The following DPP10 variants were observed in gnomAD, a reference collection of about 807,000 sequenced individuals.
DPP10 encodes the protein inactive dipeptidyl peptidase 10.
DPP10 carries 33 observed loss-of-function variants against 120.9 expected under a neutral mutation model. That is an observed-to-expected ratio of 0.27 (90% CI 0.21 to 0.37). DPP10 has a LOEUF of 0.37. Among genes scored for constraint, DPP10 ranks in the 10% least tolerant of loss-of-function variants. DPP10 has a pLI of 1.00. For missense variants in DPP10, 816 were observed against 942.8 expected (o/e 0.87, Z 1.76); for synonymous variants, 337 against 326.1 (o/e 1.03, Z -0.36).
At chr2:115,642,376 A>G (rs933472814) in intron 5 of DPP10, among the ~76,000 whole-genome samples, 1 of 152,134 alleles carries the variant, frequency 6.6e-6, no homozygotes, top group Non-Finnish European at 1.5e-5. Flanking sequence ...GGGTGGGCTC[A>G]TCCATTAGTT....
At chr2:115,655,196 T>C (rs1575448765) in intron 5 of DPP10, among the ~76,000 whole-genome samples, 1 of 151,838 alleles carries the variant, frequency 6.6e-6, no homozygotes, top group South Asian at 2.1e-4. Flanking sequence ...TTTTATAATG[T>C]CCCAAATACG....
chr2:115,831,272 G>A (rs774339121), intron 21 of DPP10, among the ~76,000 whole-genome samples: 16 of 151,030 alleles, frequency 1.1e-4, no homozygotes, highest in African/African-American at 1.5e-4. Context: ...ATTTTGAGAC[G>A]GAGTCTTACT....
At chr2:115,324,222 G>T (rs2062219903) in intron 2 of DPP10, among the ~76,000 whole-genome samples, 1 of 152,156 alleles carries the variant, frequency 6.6e-6, no homozygotes, top group Non-Finnish European at 1.5e-5. Context: ...GTTGCAGTGA[G>T]CTGAGATCGC....
Position 115,723,345 on chromosome 2 carries a change from C to G in DPP10, c.577-4471C>G, listed in dbSNP as rs555980991. Reference sequence around the variant, plus strand: ...TGTTTTTGCTTTTCTTTGGTTTTCTCTCTTGCTTTTGTCACTTGACGATAT... The same window carrying G: ...TGTTTTTGCTTTTCTTTGGTTTTCTGTCTTGCTTTTGTCACTTGACGATAT... On this transcript the variant is annotated intron_variant, in intron 7 of 25. Coordinates refer to ENST00000410059, the MANE Select transcript of DPP10 (RefSeq NM_020868.6). Among the ~76,000 whole-genome samples the G allele has an allele frequency of 2.0e-5, 3 of 152,262 alleles. No individual in the cohort carries two copies. In the South Asian group the frequency reaches 6.2e-4, roughly 32 times the overall value.
At chr2:115,569,614 A>G (rs906184353) in intron 5 of DPP10, among the ~76,000 whole-genome samples, 2 of 152,210 alleles carry the variant, frequency 1.3e-5, no homozygotes, top group Non-Finnish European at 2.9e-5. Context: ...CGAGAATTAT[A>G]TGATCCAAAC....
At chr2:114,772,133 CTTATT>C (rs1303697843) in intron 1 of DPP10, among the ~76,000 whole-genome samples, 2 of 150,738 alleles carry the variant, frequency 1.3e-5, no homozygotes, top group Non-Finnish European at 3.0e-5. Flanking sequence ...TCTTTATGTC[CTTATT>C]TTATTTATTA....
chr2:115,203,887 C>T (rs1381080291), intron 1 of DPP10, among the ~76,000 whole-genome samples: 1 of 152,102 alleles, frequency 6.6e-6, no homozygotes, highest in Non-Finnish European at 1.5e-5. Flanking sequence ...TAACAATAGA[C>T]TTCTACCTAA....
chr2:115,467,914 T>C (rs1005695496), intron 3 of DPP10: 8 of 216,880 alleles, frequency 3.7e-5, no homozygotes, highest in African/African-American at 1.8e-4. Flanking sequence ...GCTAAATATA[T>C]GTTAAAGGAA....
intron 3 of DPP10, among the ~76,000 whole-genome samples, chr2:115,474,928 A>C (rs2074976685): frequency 6.6e-6 from 1 of 152,186 alleles, no homozygotes; most frequent in Admixed American, 6.5e-5. Context: ...GGCCAAGCCC[A>C]GGGCCCCACT....
chr2:114,691,893 A>T (rs1218940249), intron 1 of DPP10, among the ~76,000 whole-genome samples: 2 of 151,968 alleles, frequency 1.3e-5, no homozygotes, highest in African/African-American at 4.8e-5. Flanking sequence ...GTATTCTCTG[A>T]TGGTTGTCTG....
intron 1 of DPP10, among the ~76,000 whole-genome samples, chr2:115,055,407 A>G (rs1050402816): frequency 2.0e-5 from 3 of 152,220 alleles, no homozygotes; most frequent in African/African-American, 7.2e-5. Context: ...TCATTCTTGG[A>G]AAAAGTGGCT....
chr2:115,720,543 T>TA (rs2092621803), intron 7 of DPP10, among the ~76,000 whole-genome samples: 2 of 152,226 alleles, frequency 1.3e-5, no homozygotes, highest in East Asian at 3.9e-4. Context: ...GTCTTATTCT[T>TA]ACAATATCTC....
chr2:115,126,392 G>T (rs1262125805), intron 1 of DPP10, among the ~76,000 whole-genome samples: 1 of 152,108 alleles, frequency 6.6e-6, no homozygotes, highest in African/African-American at 2.4e-5. Flanking sequence ...GTGAGCCACT[G>T]CACCTGGCCA....
rs570122616 is a variant in DPP10, at chr2:115,405,410, C to T, written c.271+61498C>T. ...CTCCAAGACTTTGCTGGGTGTAGCC[C>T]GTGTGGCTACTGTCATGGATTGGGG... is the stretch of plus-strand genomic sequence containing the variant. On this transcript the variant is annotated intron_variant, in intron 3 of 25. Coordinates refer to ENST00000410059, the MANE Select transcript of DPP10 (RefSeq NM_020868.6). Among the ~76,000 whole-genome samples, 15 of 152,268 alleles carry T rather than the reference C, an allele frequency of 9.9e-5. No individual in the cohort carries two copies. In the East Asian group the frequency reaches 1.2e-3, roughly 12 times the overall value.
At chr2:114,793,531 C>CA (rs1683433511) in intron 1 of DPP10, among the ~76,000 whole-genome samples, 1 of 152,138 alleles carries the variant, frequency 6.6e-6, no homozygotes, top group South Asian at 2.1e-4. Context: ...AGATATTAAT[C>CA]AATTGCCCAC....
intron 19 of DPP10, among the ~76,000 whole-genome samples, chr2:115,792,345 C>A (rs976448977): frequency 6.6e-6 from 1 of 151,834 alleles, no homozygotes; most frequent in Non-Finnish European, 1.5e-5. Context: ...ATAATTATTG[C>A]GATTATAATT....
intron 1 of DPP10, among the ~76,000 whole-genome samples, chr2:114,692,485 G>A (rs1341171056): frequency 1.3e-5 from 2 of 151,972 alleles, no homozygotes; most frequent in African/African-American, 2.4e-5. Context: ...CATTTGCTGA[G>A]GAGTGTTTTA....
intron 1 of DPP10, among the ~76,000 whole-genome samples, chr2:114,603,082 A>G (rs1284677958): frequency 6.6e-6 from 1 of 152,050 alleles, no homozygotes; most frequent in African/African-American, 2.4e-5. Flanking sequence ...GGGGCCCTGG[A>G]CTAAGCAGGC....
chr2:114,857,849 CA>C (rs1446771962), intron 1 of DPP10, among the ~76,000 whole-genome samples: 1 of 152,120 alleles, frequency 6.6e-6, no homozygotes, highest in Non-Finnish European at 1.5e-5. Flanking sequence ...AATCAGCATT[CA>C]CTGTGTTAAA....
Sources: allele counts gnomAD v4.1 joint callset (sites outside exome capture counted in the v4.1 genomes callset), GRCh38; gene constraint gnomAD v4.1.1; transcripts MANE v1.5; gene names NCBI Gene and HGNC (gene_info 2026-07-23, HGNC 2026-07-21).